Variants in POC5 observed in about 807,000 individuals in gnomAD.
POC5 encodes the protein centrosomal protein POC5.
A neutral mutation model predicts 62.9 loss-of-function variants in POC5; 48 were observed. That is an observed-to-expected ratio of 0.76 (90% CI 0.61 to 0.97). The LOEUF is 0.97. POC5 is among the 50% of genes least tolerant of loss of function. The pLI is 0.00. For missense variants in POC5, 696 were observed against 679.5 expected, an observed-to-expected ratio of 1.02 and a Z score of -0.27; for synonymous variants, 236 against 228.2, an observed-to-expected ratio of 1.03 and a Z score of -0.31.
Position 75,705,747 on chromosome 5 carries a change from T to C in POC5, c.264A>G (p.Gly88=). 1.9e-6 allele frequency: 3 copies of C among 1,556,118 alleles called. No individual in the cohort carries two copies. Among genetic ancestry groups the C allele is most frequent in the Non-Finnish European group, 2.6e-6 (3 of 1,150,924 alleles). The part of the protein sequence containing the change: ...SEVRETAIEV[G]KGCDFHISSH... Reference sequence around the variant, plus strand: ...TTGAAATATGGAAATCACATCCTTTTCCAACTTCTATTGCAGTTTCTCTTA... The same window carrying C: ...TTGAAATATGGAAATCACATCCTTTCCCAACTTCTATTGCAGTTTCTCTTA... The change falls in exon 4 of 12, where the codon GGA becomes GGG. Residue 88 remains glycine, a synonymous_variant. Coordinates refer to ENST00000428202, the MANE Select transcript of POC5 (RefSeq NM_001099271.2).
In POC5 at chr5:75,695,688, CA is replaced by C. The variant is rs201089575; in HGVS notation, c.514-858del. 7.8e-3 allele frequency among the ~76,000 whole-genome samples: 1,190 copies of C among 151,722 alleles called. 6 individuals carry two copies. Among genetic ancestry groups the C allele is most frequent in the Non-Finnish European group, 0.011 (762 of 67,842 alleles). On this transcript the variant is annotated intron_variant, in intron 5 of 11. Transcript: ENST00000428202. Reference sequence around the variant, plus strand: ...AAAAAACAAAAAACAAAAAAACAAACAAAAAAAAGTGGGGGAGGAGCCAAGA... The same window carrying C: ...AAAAAACAAAAAACAAAAAAACAAACAAAAAAAGTGGGGGAGGAGCCAAGA...
intron 3 of POC5, among the ~76,000 whole-genome samples, chr5:75,706,762 G>A (rs1777138501): frequency 6.6e-6 from 1 of 151,954 alleles, no homozygotes. Flanking sequence ...TGTTGCCTAG[G>A]CTTGTCTCAA....
At chr5:75,677,276 C>G (rs1224774021) in intron 11 of POC5, among the ~76,000 whole-genome samples, 1 of 152,134 alleles carries the variant, frequency 6.6e-6, no homozygotes, top group Non-Finnish European at 1.5e-5. Flanking sequence ...CATGCATTTA[C>G]TGCAAGTTGA....
At chr5:75,712,205 C>G (rs1490883212) in intron 2 of POC5, 2 of 400,106 alleles carry the variant, frequency 5.0e-6, no homozygotes, top group African/African-American at 4.4e-5. Flanking sequence ...CATAAACAGC[C>G]TTTCCCCTTG....
Position 75,712,963 on chromosome 5 carries a change from G to T in POC5, c.-14-12C>A. 1 of 1,565,798 alleles carries T rather than the reference G, an allele frequency of 6.4e-7. No individual in the cohort carries two copies. Among genetic ancestry groups the T allele is most frequent in the East Asian group, 2.3e-5 (1 of 44,410 alleles). Reference sequence around the variant, plus strand: ...TCTGCACAAATGCTCTAAAACAGTAGAAGCTAACTTTAGCTTTTTTCCTTG... The same window carrying T: ...TCTGCACAAATGCTCTAAAACAGTATAAGCTAACTTTAGCTTTTTTCCTTG... On this transcript the variant is annotated splice_polypyrimidine_tract_variant and intron_variant, in intron 1 of 11. Transcript: ENST00000428202.
intron 5 of POC5, among the ~76,000 whole-genome samples, 195 bp from the exon 6 acceptor site, chr5:75,695,026 C>A (rs1202337531): frequency 6.6e-6 from 1 of 152,136 alleles, no homozygotes; most frequent in East Asian, 1.9e-4. Context: ...ATTCATCATA[C>A]TAGGGAAGCT....
intron 10 of POC5, among the ~76,000 whole-genome samples, chr5:75,682,121 G>C (rs1319813955): frequency 6.6e-6 from 1 of 152,188 alleles, no homozygotes; most frequent in South Asian, 2.1e-4. Context: ...GGATATAGTG[G>C]GATAGGGCAG....
chr5:75,700,024 C>A (rs981787621), intron 5 of POC5, among the ~76,000 whole-genome samples: 26 of 151,700 alleles, frequency 1.7e-4, no homozygotes, highest in African/African-American at 6.3e-4. Context: ...ATGGGAAGGA[C>A]CTCTTCAAGG....
intron 5 of POC5, among the ~76,000 whole-genome samples, chr5:75,695,341 A>C (rs115246584): frequency 0.017 from 2,541 of 152,324 alleles, 21 homozygotes; most frequent in Non-Finnish European, 0.027. Context: ...GACTGGCACA[A>C]ATAAAAAGAC....
intron 5 of POC5, among the ~76,000 whole-genome samples, chr5:75,701,676 T>C (rs1423663425): frequency 2.6e-5 from 4 of 151,444 alleles, no homozygotes; most frequent in Admixed American, 2.6e-4. Flanking sequence ...CATATGTAAC[T>C]AACCTGCACA....
intron 7 of POC5, 130 bp downstream of exon 7, chr5:75,692,266 T>C (rs1776368582): frequency 3.6e-6 from 2 of 560,696 alleles, no homozygotes; most frequent in Non-Finnish European, 2.8e-6. Context: ...TCAAATTCCT[T>C]TGAAATAAGA....
chr5:75,701,256 A>G (rs1776866513), intron 5 of POC5, among the ~76,000 whole-genome samples: 2 of 140,882 alleles, frequency 1.4e-5, no homozygotes, highest in Admixed American at 7.3e-5. Context: ...TGCGGCTATA[A>G]AGACACATGC....
intron 2 of POC5, chr5:75,709,481 A>T (rs1777255387): frequency 6.7e-6 from 1 of 148,988 alleles, no homozygotes; most frequent in South Asian, 2.2e-4. Context: ...TATAAAACTT[A>T]AAAAAATTAT....
intron 5 of POC5, among the ~76,000 whole-genome samples, chr5:75,698,398 T>A (rs1330092437): frequency 6.6e-6 from 1 of 151,670 alleles, no homozygotes; most frequent in Non-Finnish European, 1.5e-5. Context: ...AAAATAGAAC[T>A]CAGGATTAAG....
At position 75,685,390 on chromosome 5, in the gene POC5, C is replaced by T; in HGVS notation, c.1224G>A (p.Met408Ile). 1 of 1,613,992 alleles carries T rather than the reference C, an allele frequency of 6.2e-7. No individual in the cohort carries two copies. The highest frequency in any genetic ancestry group is 1.7e-5 in the Admixed American group (1 of 60,012). Residue 408 changes from methionine (M) to isoleucine (I), a missense_variant, in exon 10 of 12, where the codon ATG (methionine) becomes ATA (isoleucine). Met to Ile is a conservative substitution (Grantham distance 10). Coordinates refer to ENST00000428202, the MANE Select transcript of POC5 (RefSeq NM_001099271.2). ...SAHLDPSAPP[M>I]PLPVTSPLLP... is the part of the protein sequence containing the mutation. ...GCAGTGGTGATGTAACTGGTAAGGGCATCGGAGGAGCTGAAGGATCCAAAT... is the reference window on the plus strand; with the variant it reads ...GCAGTGGTGATGTAACTGGTAAGGGTATCGGAGGAGCTGAAGGATCCAAAT...
At chr5:75,713,032 G>T in intron 1 of POC5, 81 bp from the exon 2 acceptor site, 2 of 980,434 alleles carry the variant, frequency 2.0e-6, no homozygotes, top group Non-Finnish European at 3.0e-6. Context: ...AAGTGCAACA[G>T]TATCCAAATC....
In POC5 at chr5:75,685,334, G is replaced by T; in HGVS notation, c.1280C>A (p.Ala427Asp). 2 of 1,614,042 alleles carry T rather than the reference G, an allele frequency of 1.2e-6. No individual in the cohort carries two copies. The highest frequency in any genetic ancestry group is 1.7e-6 in the Non-Finnish European group (2 of 1,179,902). Residue 427 changes from alanine (A) to aspartate (D), a missense_variant, in exon 10 of 12, where the codon GCC becomes GAC. Coordinates refer to ENST00000428202, the MANE Select transcript of POC5 (RefSeq NM_001099271.2). ...LPSPPAAVGG[A>D]SATAVPSAAS... ...AGCTGAGGGAACGGCAGTCGCGCTG[G>T]CTCCTCCGACGGCGGCTGGTGGGGA...
At chr5:75,683,363 A>G (rs1456931156) in intron 10 of POC5, among the ~76,000 whole-genome samples, 1 of 151,634 alleles carries the variant, frequency 6.6e-6, no homozygotes, top group Non-Finnish European at 1.5e-5. Context: ...CCTCCCAAGT[A>G]GCTGGGATTA....
chr5:75,693,712 A>G (rs144322462), intron 6 of POC5, among the ~76,000 whole-genome samples: 3 of 152,308 alleles, frequency 2.0e-5, no homozygotes, highest in African/African-American at 7.2e-5. Flanking sequence ...AAAACACTTA[A>G]GTGCTACTTC....
Sources: gnomAD v4.1 joint callset for allele counts (sites outside exome capture counted in the v4.1 genomes callset) on GRCh38, gnomAD v4.1.1 for gene constraint, MANE v1.5 for transcripts, NCBI Gene and HGNC (gene_info 2026-07-23, HGNC 2026-07-21) for gene names.